Variants in PNPT1 observed in about 807,000 individuals in gnomAD.
PNPT1 encodes the protein polyribonucleotide nucleotidyltransferase 1, mitochondrial.
PNPT1 carries 53 observed loss-of-function variants against 119.5 expected under a neutral mutation model. The observed-to-expected ratio is 0.44, with a 90% CI of 0.36 to 0.56. The LOEUF (loss-of-function observed/expected upper bound fraction) is 0.56. PNPT1 is among the 20% of genes least tolerant of loss of function. The pLI, the probability that PNPT1 is intolerant of heterozygous loss-of-function variation, is 0.00. For missense variants in PNPT1, 948 were observed against 938.5 expected (o/e 1.01, Z -0.13); for synonymous variants, 357 against 322.1 (o/e 1.11, Z -1.16).
intron 7 of PNPT1, 28 bp from the exon 8 acceptor site, chr2:55,679,823 G>T: frequency 2.7e-6 from 4 of 1,483,970 alleles, no homozygotes; most frequent in South Asian, 1.2e-5. Flanking sequence ...ATTGGCAACT[G>T]TTTAATGGAA....
chr2:55,637,654 T>C, intron 26 of PNPT1, 55 bp from the exon 27 acceptor site: 1 of 1,378,394 alleles, frequency 7.3e-7, no homozygotes, highest in African/African-American at 1.4e-5. Flanking sequence ...GTAGTGTCCA[T>C]GGAAGTACAC....
intron 10 of PNPT1, 80 bp downstream of exon 10, chr2:55,671,915 T>A: frequency 2.0e-6 from 2 of 993,878 alleles, no homozygotes; most frequent in Non-Finnish European, 3.1e-6. Flanking sequence ...AGGACTAGCA[T>A]TCATAAAGAA....
chr2:55,655,942 C>T (rs1345175905), intron 17 of PNPT1, among the ~76,000 whole-genome samples, 189 bp downstream of exon 17: 1 of 152,158 alleles, frequency 6.6e-6, no homozygotes, highest in African/African-American at 2.4e-5. Flanking sequence ...TTTTATATTG[C>T]TTTCAAAACA....
rs1231679396 is a variant in PNPT1 at position 55,646,440 on chromosome 2, G to T, written c.1649C>A (p.Thr550Asn). The T allele has an allele frequency of 1.2e-6, 2 of 1,612,752 alleles. No homozygotes were observed. The highest frequency in any genetic ancestry group is 2.2e-5 in the South Asian group (2 of 90,632). The part of the protein sequence containing the change: ...NGDMDFKIAG[T>N]NKGITALQAD... The stretch of plus-strand genomic sequence containing the variant: ...CTGTAATGCAGTTATTCCTTTATTA[G>T]TGCCAGCTATTTTGAAGTCCATGTC... Residue 550 changes from threonine (T) to asparagine (N), a missense_variant, in exon 20 of 28, where the codon ACT (threonine) becomes AAT (asparagine). Coordinates refer to ENST00000447944, the MANE Select transcript of PNPT1 (RefSeq NM_033109.5).
At chr2:55,650,396 C>T (rs538123594) in intron 18 of PNPT1, among the ~76,000 whole-genome samples, 1 of 152,234 alleles carries the variant, frequency 6.6e-6, no homozygotes, top group East Asian at 1.9e-4. Context: ...CCGCTAGCCT[C>T]GGCATCCTGA....
At chr2:55,685,900 T>C (rs1392803709) in intron 3 of PNPT1, among the ~76,000 whole-genome samples, 1 of 152,222 alleles carries the variant, frequency 6.6e-6, no homozygotes, top group Admixed American at 6.5e-5. Context: ...ATGTAAATTC[T>C]ACATAAATAG....
At chr2:55,658,954 CT>C (rs1373129049) in intron 15 of PNPT1, among the ~76,000 whole-genome samples, 1 of 152,114 alleles carries the variant, frequency 6.6e-6, no homozygotes, top group African/African-American at 2.4e-5. Flanking sequence ...ATGTTGTATT[CT>C]TTTTCTTTTT....
intron 14 of PNPT1, among the ~76,000 whole-genome samples, chr2:55,661,400 TA>T (rs1696572678): frequency 6.6e-6 from 1 of 152,036 alleles, no homozygotes; most frequent in African/African-American, 2.4e-5. Flanking sequence ...CGGCCTGCAA[TA>T]AAGATTCTTA....
intron 7 of PNPT1, among the ~76,000 whole-genome samples, chr2:55,680,113 A>G (rs1485457702): frequency 2.0e-5 from 3 of 152,174 alleles, no homozygotes; most frequent in African/African-American, 4.8e-5. Context: ...AGCTTACACA[A>G]ATGACTACTC....
At chr2:55,686,052 G>A (rs1697397004) in intron 3 of PNPT1, among the ~76,000 whole-genome samples, 1 of 152,156 alleles carries the variant, frequency 6.6e-6, no homozygotes, top group African/African-American at 2.4e-5. Flanking sequence ...AGGGCTGACT[G>A]TACTTGCAGA....
At chr2:55,644,522 C>G in intron 23 of PNPT1, 115 bp downstream of exon 23, 2 of 681,566 alleles carry the variant, frequency 2.9e-6, no homozygotes. Flanking sequence ...TTCTCCTGGT[C>G]TTTCTCTCAT....
At chr2:55,681,338 C>T (rs1464126173) in intron 5 of PNPT1, among the ~76,000 whole-genome samples, 1 of 152,008 alleles carries the variant, frequency 6.6e-6, no homozygotes, top group East Asian at 1.9e-4. Context: ...ACCCAGGAGG[C>T]AGAGGTTGCA....
intron 26 of PNPT1, 124 bp from the exon 27 acceptor site, chr2:55,637,723 G>A (rs1034842293): frequency 2.0e-5 from 16 of 796,234 alleles, no homozygotes; most frequent in South Asian, 4.9e-5. Flanking sequence ...GCGGCTGGGC[G>A]CAGTGGCTCA....
intron 18 of PNPT1, among the ~76,000 whole-genome samples, chr2:55,651,837 C>G (rs1226436464): frequency 8.5e-6 from 1 of 118,278 alleles, no homozygotes; most frequent in Non-Finnish European, 1.8e-5. Context: ...CTTCCTCTGA[C>G]TAGAAACAAC....
At chr2:55,674,907 G>C (rs185012647) in intron 8 of PNPT1, among the ~76,000 whole-genome samples, 2 of 152,210 alleles carry the variant, frequency 1.3e-5, no homozygotes, top group Admixed American at 1.3e-4. Context: ...GGATTAATCC[G>C]GAGATTTTTA....
chr2:55,646,591 C>G (rs1165537316), intron 19 of PNPT1, 105 bp from the exon 20 acceptor site: 15 of 840,604 alleles, frequency 1.8e-5, no homozygotes, highest in Non-Finnish European at 2.8e-5. Context: ...AAACCATATC[C>G]TAAGTCCAAA....
At chr2:55,665,947 G>A (rs1696718586) in intron 13 of PNPT1, among the ~76,000 whole-genome samples, 2 of 152,132 alleles carry the variant, frequency 1.3e-5, no homozygotes, top group African/African-American at 4.8e-5. Flanking sequence ...ACAAGAGTGG[G>A]TGCCTATGTA....
intron 18 of PNPT1, among the ~76,000 whole-genome samples, chr2:55,651,241 C>T (rs1298775732): frequency 6.6e-6 from 1 of 151,712 alleles, no homozygotes; most frequent in African/African-American, 2.4e-5. Flanking sequence ...GTGAGGAGCC[C>T]CTCTGCCCGG....
chr2:55,684,923 C>T lies in PNPT1; in HGVS notation c.403+20G>A. 4 of 1,527,802 alleles carry T rather than the reference C, an allele frequency of 2.6e-6. No homozygotes were observed. Among genetic ancestry groups the T allele is most frequent in the Non-Finnish European group, 3.6e-6 (4 of 1,126,210 alleles). The allele number at this position is 1,527,802 out of a possible 1,614,324, so 94.6% of individuals were successfully genotyped here. A position where few individuals can be genotyped will look rare whatever the true frequency, so the allele number is the denominator to read the frequency against. On this transcript the variant is annotated intron_variant, in intron 4 of 27. Transcript: ENST00000447944. ...ATAGGCATACCAGAGAAGATGAACG[C>T]CTCTATGTTAATATCTTACCTATTA...
Sources: allele counts gnomAD v4.1 joint callset (sites outside exome capture counted in the v4.1 genomes callset), GRCh38; gene constraint gnomAD v4.1.1; transcripts MANE v1.5; gene names NCBI Gene and HGNC (gene_info 2026-07-23, HGNC 2026-07-21).